RNF10: variants seen among roughly 807,000 people sequenced by gnomAD.
RNF10 encodes the protein ring finger protein 10, also known as E3 ubiquitin-protein ligase RNF10.
In RNF10, 38 loss-of-function variants were observed where a neutral mutation model predicts 91.4. The ratio of observed to expected loss-of-function variants is 0.42; its 90% CI spans 0.32 to 0.54. The LOEUF (loss-of-function observed/expected upper bound fraction) is 0.54, where lower values mean the gene tolerates loss of function less well. Among genes scored for constraint, RNF10 ranks in the 20% least tolerant of loss-of-function variants. The pLI is 0.16. For missense variants in RNF10, 945 were observed against 1,012.0 expected (o/e 0.93, Z 0.90); for synonymous variants, 364 against 366.3 (o/e 0.99, Z 0.07).
intron 14 of RNF10, among the ~76,000 whole-genome samples, chr12:120,573,576 G>T (rs1348459983): frequency 6.8e-6 from 1 of 147,176 alleles, no homozygotes; most frequent in East Asian, 1.9e-4. Flanking sequence ...CCGACGCCGA[G>T]TCATTTATCA....
intron 3 of RNF10, 70 bp downstream of exon 3, chr12:120,552,768 A>G: frequency 7.2e-7 from 1 of 1,393,362 alleles, no homozygotes; most frequent in Non-Finnish European, 9.8e-7. Flanking sequence ...CCTCTGTGAG[A>G]GGCTTTTTTT....
chr12:120,552,777 T>C, intron 3 of RNF10, 79 bp downstream of exon 3: 1 of 1,288,100 alleles, frequency 7.8e-7, no homozygotes, highest in Non-Finnish European at 1.1e-6. Flanking sequence ...GAGGCTTTTT[T>C]TAAGCTATTG....
intron 1 of RNF10, among the ~76,000 whole-genome samples, chr12:120,540,440 A>G (rs1871387310): frequency 6.6e-6 from 1 of 152,188 alleles, no homozygotes; most frequent in African/African-American, 2.4e-5. Flanking sequence ...TCCAAAATCT[A>G]AAGTGGATCA....
intron 1 of RNF10, among the ~76,000 whole-genome samples, chr12:120,537,559 C>T (rs902307791): frequency 1.3e-5 from 2 of 152,158 alleles, no homozygotes; most frequent in African/African-American, 4.8e-5. Context: ...AACCGGGAGG[C>T]GGAGGTTGCA....
Position 120,565,155 on chromosome 12 carries a change from T to A in RNF10, c.1749T>A (p.Pro583=). ...TCTGTGAACTGGCTTTGCAACCTCCTGTGGTCTCTAAGGAAACCCTAGAGA... is the reference window on the plus strand; with the variant it reads ...TCTGTGAACTGGCTTTGCAACCTCCAGTGGTCTCTAAGGAAACCCTAGAGA... ...FSICELALQP[P]VVSKETLEMF... The change falls in exon 11 of 17, where the codon CCT becomes CCA. Residue 583 remains proline, a synonymous_variant. Transcript: ENST00000325954. 6.2e-7 allele frequency: 1 copy of A among 1,613,418 alleles called. No homozygotes were observed. The highest frequency in any genetic ancestry group is 2.2e-5 in the East Asian group (1 of 44,884).
At chr12:120,575,481 A>T in intron 14 of RNF10, 150 bp from the exon 15 acceptor site, 1 of 791,196 alleles carries the variant, frequency 1.3e-6, no homozygotes, top group Non-Finnish European at 2.1e-6. Context: ...GGACATGACT[A>T]GAACAGTGTG....
Position 120,534,565 on chromosome 12 carries a change from A to C in RNF10, c.-247A>C. The C allele has an allele frequency of 2.0e-5, 15 of 749,794 alleles. No individual in the cohort carries two copies. The highest frequency in any genetic ancestry group is 4.8e-5 in the East Asian group (1 of 20,978). The allele number at this position is 749,794 out of a possible 1,614,324, so 46.4% of individuals were successfully genotyped here. ...CTTCCCCCGCAGCCTCCGCCCCGCC[A>C]GGCCCGGCCCGGACTCCCGAGCCCC... On this transcript the variant is annotated 5_prime_UTR_variant, in exon 1 of 17. Transcript: ENST00000325954.
chr12:120,551,568 G>C (rs905039323), intron 2 of RNF10, among the ~76,000 whole-genome samples: 4 of 151,626 alleles, frequency 2.6e-5, no homozygotes, highest in Non-Finnish European at 5.9e-5. Context: ...CAAAGAGCTG[G>C]GATTACAGGC....
chr12:120,537,865 A>C (rs937332980), intron 1 of RNF10, among the ~76,000 whole-genome samples: 1 of 152,152 alleles, frequency 6.6e-6, no homozygotes. Flanking sequence ...AAAAGGCAGG[A>C]TATGTGGAGA....
Position 120,577,070 on chromosome 12 carries a change from C to T in RNF10, c.*404C>T. On this transcript the variant is annotated 3_prime_UTR_variant, in exon 17 of 17. Transcript: ENST00000325954. ...GTCAGGGCTTCCTGGACTCAGTACA[C>T]CTCTCAGTTTGTCTTTTAAAAAACA... 2 of 411,186 alleles carry T rather than the reference C, an allele frequency of 4.9e-6. No homozygotes were observed. The highest frequency in any genetic ancestry group is 2.8e-5 in the Admixed American group (1 of 35,838). The allele number at this position is 411,186 out of a possible 1,614,324, so 25.5% of individuals were successfully genotyped here. A position where few individuals can be genotyped will look rare whatever the true frequency, so the allele number is the denominator to read the frequency against.
chr12:120,565,478 C>T lies in RNF10; in HGVS notation c.1834C>T (p.Arg612Cys), dbSNP rs754519126. 6.2e-6 allele frequency: 10 copies of T among 1,614,018 alleles called. No homozygotes were observed. The highest frequency in any genetic ancestry group is 3.3e-5 in the South Asian group (3 of 91,068). Residue 612 changes from arginine to cysteine, a missense_variant, in exon 12 of 17, where the codon CGC becomes TGC. By Grantham distance (180) the Arg-to-Cys change is radical (BLOSUM62 -3). Coordinates refer to ENST00000325954, the MANE Select transcript of RNF10 (RefSeq NM_014868.5). ...GCGCCAAAAGAAGGCTCGGGAGGAA[C>T]GCCGCCGAGAGCGCAGGATTGAGAT... ...RQRQKKAREE[R>C]RRERRIEIEE...
At chr12:120,574,002 G>A (rs1013158062) in intron 14 of RNF10, among the ~76,000 whole-genome samples, 5 of 152,290 alleles carry the variant, frequency 3.3e-5, no homozygotes, top group Admixed American at 1.3e-4. Flanking sequence ...CCCAGGGAGG[G>A]CATTAATCTG....
intron 6 of RNF10, among the ~76,000 whole-genome samples, chr12:120,559,087 A>G (rs918219610): frequency 2.6e-5 from 4 of 151,142 alleles, no homozygotes; most frequent in African/African-American, 9.7e-5. Flanking sequence ...TTAAAAAATT[A>G]ACTGGGCATG....
chr12:120,563,684 C>A, intron 9 of RNF10, 61 bp downstream of exon 9: 1 of 1,569,604 alleles, frequency 6.4e-7, no homozygotes, highest in Non-Finnish European at 8.6e-7. Context: ...TGACCCGGTG[C>A]TCTAAGCAGA....
In RNF10 at chr12:120,554,646, A is replaced by G. The variant is rs1739149716; in HGVS notation, c.555-72A>G. 6 of 1,196,318 alleles carry G rather than the reference A, an allele frequency of 5.0e-6. No homozygotes were observed. In the South Asian group the frequency reaches 7.5e-5, roughly 15 times the overall value. The allele number at this position is 1,196,318 out of a possible 1,614,324, so 74.1% of individuals were successfully genotyped here. On this transcript the variant is annotated intron_variant, in intron 3 of 16. Coordinates refer to ENST00000325954, the MANE Select transcript of RNF10 (RefSeq NM_014868.5). ...CTGCATTTGATTTCTAAGTGAATAG[A>G]TGACAATTTCTGCTGAGGGTTTATT...
At chr12:120,568,680 T>C (rs995745436) in intron 13 of RNF10, among the ~76,000 whole-genome samples, 6 of 152,104 alleles carry the variant, frequency 3.9e-5, no homozygotes, top group Admixed American at 6.6e-5. Context: ...CTCTCCATGT[T>C]GGCCAGGCTG....
At chr12:120,537,219 A>G (rs1593041553) in intron 1 of RNF10, among the ~76,000 whole-genome samples, 1 of 150,594 alleles carries the variant, frequency 6.6e-6, no homozygotes, top group African/African-American at 2.4e-5. Flanking sequence ...GCAGGGGAGG[A>G]GGAAGAGCAC....
At chr12:120,552,721 G>A (rs1873300076) in intron 3 of RNF10, 23 bp downstream of exon 3, 2 of 1,606,218 alleles carry the variant, frequency 1.2e-6, no homozygotes, top group South Asian at 1.1e-5. Flanking sequence ...ACCCCTCAGA[G>A]GAAAGGGAAA....
At position 120,575,639 on chromosome 12, in the gene RNF10, G is replaced by C; in HGVS notation, c.2151G>C (p.Arg717Ser). 1 of 1,614,196 alleles carries C rather than the reference G, an allele frequency of 6.2e-7. No individual in the cohort carries two copies. The highest frequency in any genetic ancestry group is 8.5e-7 in the Non-Finnish European group (1 of 1,180,040). The change falls in exon 15 of 17, where the codon AGG (arginine) becomes AGC (serine). Residue 717 changes from arginine (R) to serine (S), a missense_variant. Transcript: ENST00000325954. ...CTTTCCCACTTTGGCAGATGCTGAGGGTTGGAAAAGCAAAAGCAGATGTGT... is the reference window on the plus strand; with the variant it reads ...CTTTCCCACTTTGGCAGATGCTGAGCGTTGGAAAAGCAAAAGCAGATGTGT... ...SPFPSFAQMLRVGKAKADVWP... is the reference protein window; with the variant it reads ...SPFPSFAQMLSVGKAKADVWP...
Sources: gnomAD v4.1 joint callset for allele counts (sites outside exome capture counted in the v4.1 genomes callset) on GRCh38, gnomAD v4.1.1 for gene constraint, MANE v1.5 for transcripts, NCBI Gene and HGNC (gene_info 2026-07-23, HGNC 2026-07-21) for gene names.